The following EPHA5 variants were observed in gnomAD, a reference collection of about 807,000 sequenced individuals.
EPHA5 encodes the protein EPH receptor A5.
In EPHA5, 60 loss-of-function variants were observed where a neutral mutation model predicts 105.0. The observed-to-expected ratio is 0.57, with a 90% CI of 0.46 to 0.71. The LOEUF is 0.71. Ranked by LOEUF, EPHA5 falls within the 30% of genes least tolerant of loss-of-function variation. EPHA5 has a pLI of 0.00. For missense variants in EPHA5, 1,218 were observed against 1,274.7 expected (o/e 0.96, Z 0.68); for synonymous variants, 513 against 449.1 (o/e 1.14, Z -1.80).
chr4:65,425,252 A>C (rs58354526), intron 5 of EPHA5, among the ~76,000 whole-genome samples: 1 of 152,256 alleles, frequency 6.6e-6, no homozygotes, highest in African/African-American at 2.4e-5. Flanking sequence ...TTTAAACACA[A>C]GGTTTAAAAA....
intron 3 of EPHA5, among the ~76,000 whole-genome samples, chr4:65,549,873 T>A (rs1198989286): frequency 6.6e-6 from 1 of 152,076 alleles, no homozygotes; most frequent in African/African-American, 2.4e-5. Context: ...CAAGTTCCTG[T>A]CCTGCTAAGA....
Position 65,490,727 on chromosome 4 carries a change from A to G in EPHA5, c.1067-15T>C, listed in dbSNP as rs1296446636. On this transcript the variant is annotated splice_polypyrimidine_tract_variant and intron_variant, in intron 4 of 16. Transcript: ENST00000613740. ...AGAGGGGGGTCCTGGTTTACAAAGT[A>G]AAGTAAGAAAAACATATTTTAAGAT... The G allele has an allele frequency of 3.7e-6, 6 of 1,606,588 alleles. No individual in the cohort carries two copies. The Admixed American group carries it at 1.0e-4, about 27-fold the overall frequency.
intron 3 of EPHA5, among the ~76,000 whole-genome samples, chr4:65,541,704 T>G (rs1475792391): frequency 6.6e-6 from 1 of 151,868 alleles, no homozygotes; most frequent in Non-Finnish European, 1.5e-5. Flanking sequence ...AGACAGACAA[T>G]TAACAAGGAT....
chr4:65,540,473 T>C (rs1736709355), intron 3 of EPHA5, among the ~76,000 whole-genome samples: 1 of 151,322 alleles, frequency 6.6e-6, no homozygotes, highest in Non-Finnish European at 1.5e-5. Context: ...GTTTGAAAAA[T>C]AATTTATATG....
At chr4:65,399,122 C>A (rs1311356683) in intron 8 of EPHA5, among the ~76,000 whole-genome samples, 6 of 152,206 alleles carry the variant, frequency 3.9e-5, no homozygotes, top group African/African-American at 1.4e-4. Flanking sequence ...CTCTTTGGGG[C>A]TTTGCAGTTT....
chr4:65,571,825 G>T (rs1324248781), intron 3 of EPHA5, among the ~76,000 whole-genome samples: 4 of 151,988 alleles, frequency 2.6e-5, no homozygotes, highest in African/African-American at 7.2e-5. Context: ...TAGCATTTCA[G>T]TATTTCGGGT....
At chr4:65,505,777 A>G (rs1453768293) in intron 3 of EPHA5, among the ~76,000 whole-genome samples, 1 of 152,104 alleles carries the variant, frequency 6.6e-6, no homozygotes, top group East Asian at 1.9e-4. Flanking sequence ...AAGTTTAGGG[A>G]AAAGCCAGAA....
rs762968961 is a variant in EPHA5, at chr4:65,490,507, G to T, written c.1272C>A (p.Thr424=). The T allele has an allele frequency of 6.2e-7, 1 of 1,614,118 alleles. No homozygotes were observed. The highest frequency in any genetic ancestry group is 1.7e-5 in the Admixed American group (1 of 60,010). The change falls in exon 5 of 17, where the codon ACC becomes ACA. Residue 424 remains threonine (T), a synonymous_variant. Coordinates refer to ENST00000613740, the MANE Select transcript of EPHA5 (RefSeq NM_001281766.3). The part of the protein sequence containing the change: ...YLPRQSGLKN[T]SVMMVDLLAH... ...CGAGTAGATCCACCATCATGACAGA[G>T]GTGTTTTTCAGGCCGCTTTGCCGGG...
intron 3 of EPHA5, among the ~76,000 whole-genome samples, chr4:65,535,646 C>T (rs1421603425): frequency 6.6e-6 from 1 of 151,954 alleles, no homozygotes; most frequent in Non-Finnish European, 1.5e-5. Context: ...AATATCAATA[C>T]ATGTAAAATG....
chr4:65,428,649 A>T (rs553250482), intron 5 of EPHA5, among the ~76,000 whole-genome samples: 1 of 152,224 alleles, frequency 6.6e-6, no homozygotes, highest in South Asian at 2.1e-4. Flanking sequence ...AAGAATTTAT[A>T]AACTAAAATG....
rs147452519 is a variant in EPHA5, at chr4:65,498,798, T to G, written c.911-3255A>C. On this transcript the variant is annotated intron_variant, in intron 3 of 16. Coordinates refer to ENST00000613740, the MANE Select transcript of EPHA5 (RefSeq NM_001281766.3). ...ATTTAATTTGAGGTGGTTGAAGTAA[T>G]GCAAATAGATGTTTAGAGAGAAAAA... 4.5e-4 allele frequency among the ~76,000 whole-genome samples: 69 copies of G among 151,820 alleles called. No homozygotes were observed. The East Asian group carries it at 0.012, about 26-fold the overall frequency.
At chr4:65,494,791 T>G (rs1234201479) in intron 4 of EPHA5, among the ~76,000 whole-genome samples, 4 of 152,188 alleles carry the variant, frequency 2.6e-5, no homozygotes, top group African/African-American at 9.6e-5. Context: ...GACTCTGATC[T>G]GATTTAAATC....
intron 8 of EPHA5, among the ~76,000 whole-genome samples, chr4:65,391,643 T>C (rs1720725811): frequency 6.6e-6 from 1 of 152,132 alleles, no homozygotes; most frequent in Admixed American, 6.6e-5. Flanking sequence ...TTGTGGGTTC[T>C]GAGAGATGTG....
intron 8 of EPHA5, among the ~76,000 whole-genome samples, chr4:65,396,612 G>A (rs1326703508): frequency 6.6e-6 from 1 of 152,160 alleles, no homozygotes. Context: ...TTTCATGTGT[G>A]TATACTGGAA....
At position 65,320,696 on chromosome 4, in the gene EPHA5, A is replaced by T. The variant is rs532446044; in HGVS notation, c.*3418T>A. On this transcript the variant is annotated 3_prime_UTR_variant, in exon 17 of 17. Transcript: ENST00000613740. ...GATTAAGTAGAAGACATGAAAACAC[A>T]TAAGTGCTCAAATGATATTAACTTT... 4 of 230,036 alleles carry T rather than the reference A, an allele frequency of 1.7e-5. No homozygotes were observed. The highest frequency in any genetic ancestry group is 8.9e-5 in the African/African-American group (4 of 45,144). 14.2% of individuals were successfully genotyped at this position (230,036 alleles called of 1,614,324 possible).
At chr4:65,548,958 A>C (rs969392516) in intron 3 of EPHA5, among the ~76,000 whole-genome samples, 2 of 152,136 alleles carry the variant, frequency 1.3e-5, no homozygotes, top group African/African-American at 4.8e-5. Flanking sequence ...AAATAAAATT[A>C]TTTGCCTCTA....
At chr4:65,394,456 A>G (rs976712638) in intron 8 of EPHA5, among the ~76,000 whole-genome samples, 2 of 152,212 alleles carry the variant, frequency 1.3e-5, no homozygotes, top group African/African-American at 2.4e-5. Flanking sequence ...AGAGGAAAAA[A>G]GTCACAGATA....
At chr4:65,466,103 G>A (rs1475361645) in intron 5 of EPHA5, among the ~76,000 whole-genome samples, 1 of 152,242 alleles carries the variant, frequency 6.6e-6, no homozygotes, top group Non-Finnish European at 1.5e-5. Flanking sequence ...GGTGAGAGAG[G>A]TTGTATGTGT....
At chr4:65,566,364 C>A (rs1315337123) in intron 3 of EPHA5, among the ~76,000 whole-genome samples, 2 of 151,726 alleles carry the variant, frequency 1.3e-5, no homozygotes, top group African/African-American at 4.8e-5. Flanking sequence ...TTGCATCACA[C>A]AAATTGACAC....
Sources: allele counts gnomAD v4.1 joint callset (sites outside exome capture counted in the v4.1 genomes callset), GRCh38; gene constraint gnomAD v4.1.1; transcripts MANE v1.5; gene names NCBI Gene and HGNC (gene_info 2026-07-23, HGNC 2026-07-21).